The following RABGAP1L variants were observed in gnomAD, a reference collection of about 807,000 sequenced individuals.
The protein encoded by RABGAP1L is rab GTPase-activating protein 1-like.
A neutral mutation model predicts 137.7 loss-of-function variants in RABGAP1L; 63 were observed. The ratio of observed to expected loss-of-function variants is 0.46; its 90% CI spans 0.37 to 0.56. RABGAP1L has a LOEUF of 0.56. Among genes scored for constraint, RABGAP1L ranks in the 20% least tolerant of loss-of-function variants. The pLI, the probability that RABGAP1L is intolerant of heterozygous loss-of-function variation, is 0.00. For missense variants in RABGAP1L, 1,095 were observed against 1,244.0 expected, an observed-to-expected ratio of 0.88 and a Z score of 1.80; for synonymous variants, 431 against 433.7, an observed-to-expected ratio of 0.99 and a Z score of 0.08.
At chr1:174,195,785 TTTTC>T (rs201234883) in intron 1 of RABGAP1L, among the ~76,000 whole-genome samples, 8,438 of 112,810 alleles carry the variant, frequency 0.075, 464 homozygotes, top group East Asian at 0.26. Context: ...CCTTTCTTTC[TTTTC>T]TTTCTTTCTT....
chr1:174,327,994 T>TATATAC (rs1680661260), intron 11 of RABGAP1L, among the ~76,000 whole-genome samples: 29 of 77,384 alleles, frequency 3.7e-4, no homozygotes, highest in Non-Finnish European at 6.5e-4. Flanking sequence ...CACATATATA[T>TATATAC]ATATATATAT....
At chr1:174,384,770 G>A (rs1686600897) in intron 12 of RABGAP1L, among the ~76,000 whole-genome samples, 1 of 152,184 alleles carries the variant, frequency 6.6e-6, no homozygotes, top group African/African-American at 2.4e-5. Flanking sequence ...GCAGTTTCTA[G>A]AGTATAGTAG....
chr1:174,922,937 GC>G (rs1416277986), intron 19 of RABGAP1L, among the ~76,000 whole-genome samples: 28 of 152,036 alleles, frequency 1.8e-4, no homozygotes, highest in Non-Finnish European at 3.4e-4. Flanking sequence ...ACTTTGGGAG[GC>G]CCAGGTAGAA....
chr1:174,602,022 T>C (rs1370542614), intron 13 of RABGAP1L, among the ~76,000 whole-genome samples: 1 of 152,200 alleles, frequency 6.6e-6, no homozygotes, highest in Non-Finnish European at 1.5e-5. Context: ...AACAAGTCTC[T>C]GGGAAGTTCC....
chr1:174,378,330 T>C (rs1324353130), intron 12 of RABGAP1L, among the ~76,000 whole-genome samples: 3 of 151,364 alleles, frequency 2.0e-5, no homozygotes, highest in African/African-American at 7.3e-5. Context: ...CAAATGGTAT[T>C]TCTAGTTCTA....
At chr1:174,688,930 T>C (rs1345639565) in intron 15 of RABGAP1L, among the ~76,000 whole-genome samples, 1 of 152,122 alleles carries the variant, frequency 6.6e-6, no homozygotes, top group Admixed American at 6.6e-5. Context: ...GAAAAAACTA[T>C]AAAGAACACC....
intron 13 of RABGAP1L, among the ~76,000 whole-genome samples, chr1:174,629,885 C>A (rs1673212096): frequency 6.6e-6 from 1 of 152,058 alleles, no homozygotes; most frequent in Non-Finnish European, 1.5e-5. Flanking sequence ...TCCTTTATTT[C>A]TTAAATATGG....
chr1:174,651,827 C>G (rs568018235), intron 14 of RABGAP1L, among the ~76,000 whole-genome samples: 1 of 152,132 alleles, frequency 6.6e-6, no homozygotes, highest in South Asian at 2.1e-4. Flanking sequence ...AGCATTTATT[C>G]CATTTACATT....
At chr1:174,516,499 G>T (rs1199633974) in intron 13 of RABGAP1L, among the ~76,000 whole-genome samples, 2 of 152,228 alleles carry the variant, frequency 1.3e-5, no homozygotes, top group South Asian at 4.1e-4. Flanking sequence ...TATTACAGGT[G>T]TGAGCCACCA....
intron 7 of RABGAP1L, among the ~76,000 whole-genome samples, chr1:174,265,623 A>C (rs1360070939): frequency 1.3e-5 from 2 of 151,192 alleles, no homozygotes; most frequent in African/African-American, 4.8e-5. Flanking sequence ...ACCCTTTATT[A>C]ATGTGAGAAT....
At chr1:174,492,264 T>C (rs1275617176) in intron 13 of RABGAP1L, among the ~76,000 whole-genome samples, 2 of 144,968 alleles carry the variant, frequency 1.4e-5, no homozygotes, top group Non-Finnish European at 3.0e-5. Context: ...CACTGCAACC[T>C]CCGCCTCCCA....
chr1:174,350,946 G>A (rs1363990034), intron 11 of RABGAP1L, among the ~76,000 whole-genome samples: 2 of 120,536 alleles, frequency 1.7e-5, no homozygotes, highest in Non-Finnish European at 3.5e-5. Flanking sequence ...CAGGCGTGGC[G>A]GCGCGTGCCT....
chr1:174,359,115 T>C (rs1472475506), intron 11 of RABGAP1L, among the ~76,000 whole-genome samples: 2 of 152,144 alleles, frequency 1.3e-5, no homozygotes, highest in Non-Finnish European at 2.9e-5. Context: ...TACAGTTGCT[T>C]TTTCAAAACC....
chr1:174,711,221 C>T lies in RABGAP1L; in HGVS notation c.2169+8965C>T, dbSNP rs1223559268. 2.0e-5 allele frequency among the ~76,000 whole-genome samples: 3 copies of T among 152,278 alleles called. No individual in the cohort carries two copies. The East Asian group carries it at 5.8e-4, about 30-fold the overall frequency. On this transcript the variant is annotated intron_variant, in intron 17 of 25. Coordinates refer to ENST00000681986, the MANE Select transcript of RABGAP1L (RefSeq NM_001366446.1). Reference sequence around the variant, plus strand: ...CCCCGGTTCCCACCTGCGCCTCTCCCTCCACACCTCCCTGCAAGCTGAGGG... The same window carrying T: ...CCCCGGTTCCCACCTGCGCCTCTCCTTCCACACCTCCCTGCAAGCTGAGGG...
At chr1:174,227,422 C>G (rs969190529) in intron 3 of RABGAP1L, among the ~76,000 whole-genome samples, 1 of 151,590 alleles carries the variant, frequency 6.6e-6, no homozygotes, top group Non-Finnish European at 1.5e-5. Flanking sequence ...AGGATGGTCT[C>G]CATCTCTTGA....
At chr1:174,691,875 G>A (rs929699097) in intron 15 of RABGAP1L, among the ~76,000 whole-genome samples, 1 of 152,020 alleles carries the variant, frequency 6.6e-6, no homozygotes, top group African/African-American at 2.4e-5. Flanking sequence ...TGGAGGAATT[G>A]CACGTACTAA....
chr1:174,164,174 G>A (rs1235016404), intron 1 of RABGAP1L, among the ~76,000 whole-genome samples: 3 of 150,848 alleles, frequency 2.0e-5, no homozygotes, highest in Non-Finnish European at 4.4e-5. Flanking sequence ...AGGTATGTAG[G>A]GCTGAACAAA....
At chr1:174,662,149 G>A (rs904352691) in intron 14 of RABGAP1L, among the ~76,000 whole-genome samples, 2 of 135,338 alleles carry the variant, frequency 1.5e-5, no homozygotes, top group Non-Finnish European at 3.0e-5. Context: ...TGTCGCCCAG[G>A]CTGTAGTGCA....
At chr1:174,881,492 CTTTTTTTTTT>C (rs751296977) in intron 19 of RABGAP1L, among the ~76,000 whole-genome samples, 6 of 85,864 alleles carry the variant, frequency 7.0e-5, no homozygotes, top group East Asian at 3.7e-4. Flanking sequence ...ATATCATTTG[CTTTTTTTTTT>C]TTTTTTTTTT....
Sources: allele counts gnomAD v4.1 joint callset (sites outside exome capture counted in the v4.1 genomes callset), GRCh38; gene constraint gnomAD v4.1.1; transcripts MANE v1.5; gene names NCBI Gene and HGNC (gene_info 2026-07-23, HGNC 2026-07-21).